The following PLSCR1 variants were observed in gnomAD, a reference collection of about 807,000 sequenced individuals.
PLSCR1 encodes the protein PL scramblase 1.
Under a neutral mutation model 37.8 loss-of-function variants are expected in PLSCR1, and 17 were observed. The observed-to-expected ratio is 0.45, with a 90% CI of 0.31 to 0.68. PLSCR1 has a LOEUF of 0.68. PLSCR1 is among the 30% of genes least tolerant of loss of function. PLSCR1 has a pLI of 0.06. For synonymous variants in PLSCR1, 116 were observed against 125.9 expected, an observed-to-expected ratio of 0.92 and a Z score of 0.53; for missense variants, 347 against 380.9, an observed-to-expected ratio of 0.91 and a Z score of 0.74.
chr3:146,539,732 A>C (rs1014732136), intron 1 of PLSCR1, among the ~76,000 whole-genome samples: 3 of 152,206 alleles, frequency 2.0e-5, no homozygotes. Flanking sequence ...TACTGGCAAA[A>C]CTACTGCAGT....
At chr3:146,543,991 T>A (rs1386328565) in intron 1 of PLSCR1, among the ~76,000 whole-genome samples, 1 of 152,178 alleles carries the variant, frequency 6.6e-6, no homozygotes, top group African/African-American at 2.4e-5. Flanking sequence ...CGGACTTCAT[T>A]GAATACTTAC....
intron 1 of PLSCR1, among the ~76,000 whole-genome samples, chr3:146,536,999 G>T (rs1219151392): frequency 1.3e-5 from 2 of 152,018 alleles, no homozygotes; most frequent in Non-Finnish European, 2.9e-5. Flanking sequence ...GTTCCAGCAG[G>T]AAAGCAAAAA....
intron 3 of PLSCR1, 35 bp downstream of exon 3, chr3:146,533,435 A>T: frequency 1.7e-6 from 2 of 1,206,000 alleles, no homozygotes; most frequent in South Asian, 1.3e-5. Flanking sequence ...TCTCTCAATT[A>T]ATTTTACTTT....
At chr3:146,527,537 CTTTT>C (rs2044134637) in intron 4 of PLSCR1, among the ~76,000 whole-genome samples, 1 of 152,012 alleles carries the variant, frequency 6.6e-6, no homozygotes, top group Admixed American at 6.6e-5. Flanking sequence ...ATATTGGTAA[CTTTT>C]TTAGCCATCA....
At chr3:146,525,754 A>T in intron 4 of PLSCR1, 107 bp from the exon 5 acceptor site, 1 of 543,452 alleles carries the variant, frequency 1.8e-6, no homozygotes, top group Non-Finnish European at 3.3e-6. Context: ...CATGTAACCA[A>T]TTATCAATAT....
chr3:146,532,267 T>C (rs1487730549), intron 3 of PLSCR1, among the ~76,000 whole-genome samples: 1 of 152,298 alleles, frequency 6.6e-6, no homozygotes, highest in East Asian at 1.9e-4. Flanking sequence ...CTTGGATGAA[T>C]ATTATAGACT....
At chr3:146,522,173 G>C in intron 5 of PLSCR1, 120 bp from the exon 6 acceptor site, 1 of 677,538 alleles carries the variant, frequency 1.5e-6, no homozygotes, top group Non-Finnish European at 2.6e-6. Context: ...ATAAGGAGGA[G>C]AAGAAATGAT....
At chr3:146,539,605 C>T (rs548590391) in intron 1 of PLSCR1, among the ~76,000 whole-genome samples, 83 of 152,220 alleles carry the variant, frequency 5.5e-4, no homozygotes, top group African/African-American at 1.9e-3. Context: ...ACAGAAATAC[C>T]GGAAAGGAAA....
chr3:146,535,387 G>A (rs1435493702), intron 2 of PLSCR1, among the ~76,000 whole-genome samples: 4 of 152,074 alleles, frequency 2.6e-5, no homozygotes, highest in African/African-American at 9.7e-5. Context: ...ATGAGTGAAT[G>A]GGCAGGTGTT....
chr3:146,521,727 T>C (rs1371838780), intron 6 of PLSCR1, 22 bp from the exon 7 acceptor site: 6 of 1,598,716 alleles, frequency 3.8e-6, no homozygotes, highest in Middle Eastern at 1.7e-4. Context: ...AAATAATATA[T>C]GTAAATGTAA....
intron 2 of PLSCR1, 115 bp from the exon 3 acceptor site, chr3:146,533,665 T>A: frequency 1.9e-6 from 1 of 519,684 alleles, no homozygotes; most frequent in Admixed American, 3.4e-5. Context: ...TGTATTGAAA[T>A]AGGGAAAGTA....
chr3:146,543,510 T>C (rs1035705610), intron 1 of PLSCR1, among the ~76,000 whole-genome samples: 2 of 152,220 alleles, frequency 1.3e-5, no homozygotes, highest in African/African-American at 2.4e-5. Flanking sequence ...CACGTTTAAG[T>C]GTCACTTGTA....
intron 7 of PLSCR1, among the ~76,000 whole-genome samples, chr3:146,519,072 TTTAC>T (rs1176649134): frequency 2.0e-5 from 3 of 152,292 alleles, no homozygotes; most frequent in South Asian, 4.1e-4. Flanking sequence ...AGCTATTTTA[TTTAC>T]TTACTAATGA....
chr3:146,528,291 T>C (rs543618117), intron 4 of PLSCR1: 39 of 313,290 alleles, frequency 1.2e-4, no homozygotes, highest in Non-Finnish European at 2.3e-4. Flanking sequence ...ATGTAGCACC[T>C]ATACATCACA....
chr3:146,542,401 A>C (rs1443617521), intron 1 of PLSCR1, among the ~76,000 whole-genome samples: 1 of 152,142 alleles, frequency 6.6e-6, no homozygotes, highest in African/African-American at 2.4e-5. Flanking sequence ...TAGGCTGGCT[A>C]TAGTATCCAG....
At chr3:146,516,685 C>T in intron 8 of PLSCR1, 1 of 192,644 alleles carries the variant, frequency 5.2e-6, no homozygotes, top group South Asian at 1.4e-4. Flanking sequence ...AAATTTTTTC[C>T]ACATATGCCT....
intron 5 of PLSCR1, among the ~76,000 whole-genome samples, chr3:146,522,952 G>A (rs1263595752): frequency 6.6e-6 from 1 of 152,132 alleles, no homozygotes; most frequent in Non-Finnish European, 1.5e-5. Flanking sequence ...TTTTTATGAT[G>A]CAGAGACATT....
chr3:146,520,505 C>A (rs966033257), intron 7 of PLSCR1, among the ~76,000 whole-genome samples: 2 of 152,122 alleles, frequency 1.3e-5, no homozygotes, highest in African/African-American at 4.8e-5. Flanking sequence ...TACATACACA[C>A]ATTATATAAT....
At chr3:146,526,183 C>CAAAAAAAAAAAAAAA (rs60229241) in intron 4 of PLSCR1, among the ~76,000 whole-genome samples, 64 of 42,450 alleles carry the variant, frequency 1.5e-3, no homozygotes, top group East Asian at 4.6e-3. Context: ...GACTCCATCT[C>CAAAAAAAAAAAAAAA]AAAAAAAAAA....
Sources: allele counts gnomAD v4.1 joint callset (sites outside exome capture counted in the v4.1 genomes callset), GRCh38; gene constraint gnomAD v4.1.1; transcripts MANE v1.5; gene names NCBI Gene and HGNC (gene_info 2026-07-23, HGNC 2026-07-21).